Variants in BICD1 observed in about 807,000 individuals in gnomAD.
BICD1 encodes the protein BICD cargo adaptor 1.
BICD1 carries 35 observed loss-of-function variants against 92.5 expected under a neutral mutation model. That is an observed-to-expected ratio of 0.38 (90% CI 0.29 to 0.50). BICD1 has a LOEUF of 0.50. BICD1 is among the 20% of genes least tolerant of loss of function. BICD1 has a pLI of 0.93. For synonymous variants in BICD1, 429 were observed against 465.1 expected (o/e 0.92, Z 1.00); for missense variants, 950 against 1,189.8 (o/e 0.80, Z 2.97).
intron 3 of BICD1, among the ~76,000 whole-genome samples, chr12:32,295,694 C>T (rs2136197198): frequency 6.8e-6 from 1 of 147,680 alleles, no homozygotes; most frequent in South Asian, 2.1e-4. Context: ...TGCTGTGTTG[C>T]CCAGGCTGGA....
intron 1 of BICD1, among the ~76,000 whole-genome samples, chr12:32,128,365 C>G (rs1002213256): frequency 3.3e-5 from 5 of 152,172 alleles, no homozygotes; most frequent in African/African-American, 1.2e-4. Context: ...GCCTCTAGTG[C>G]TGAACAAATT....
chr12:32,268,937 C>T (rs1454179139), intron 2 of BICD1, among the ~76,000 whole-genome samples: 3 of 152,122 alleles, frequency 2.0e-5, no homozygotes, highest in African/African-American at 7.2e-5. Flanking sequence ...TCAACCGTTG[C>T]AAGTGGATTT....
chr12:32,289,570 G>A lies in BICD1; in HGVS notation c.427-4424G>A, dbSNP rs572217247. On this transcript the variant is annotated intron_variant, in intron 2 of 9. Transcript: ENST00000652176. ...CCAGCTAATTTTTGTATTCTTAGTA[G>A]AGACAGGGTTTCACCATGTTGGCCA... is the stretch of plus-strand genomic sequence containing the variant. 1.4e-4 allele frequency among the ~76,000 whole-genome samples: 22 copies of A among 152,312 alleles called. No homozygotes were observed. The East Asian group carries it at 3.9e-3, about 27-fold the overall frequency.
intron 1 of BICD1, among the ~76,000 whole-genome samples, chr12:32,210,451 TTC>T (rs917973269): frequency 1.4e-4 from 21 of 152,190 alleles, no homozygotes; most frequent in African/African-American, 4.6e-4. Context: ...GGTACGAAAT[TTC>T]TGTTTATCAA....
At chr12:32,348,761 T>A (rs201272609) in intron 8 of BICD1, among the ~76,000 whole-genome samples, 7 of 24,982 alleles carry the variant, frequency 2.8e-4, no homozygotes, top group African/African-American at 2.7e-3. Context: ...TATATATATA[T>A]ATATATATAT....
rs1565673617 is a variant in BICD1 at position 32,327,663 on chromosome 12, C to A, written c.1208C>A (p.Ala403Asp). ...GEKGRDSGEEAHDYEVDINGL... is the reference protein window; with the variant it reads ...GEKGRDSGEEDHDYEVDINGL... ...AAGGGCCGGGACTCAGGGGAGGAGG[C>A]CCATGACTATGAGGTGGACATCAAT... The change falls in exon 5 of 10, where the codon GCC becomes GAC. Residue 403 changes from alanine to aspartate, a missense_variant. Physicochemically the swap from Ala to Asp is moderately radical, Grantham distance 126. Around this residue, in one of 5 missense-constraint regions of BICD1, gnomAD observed 246 missense variants for 258.4 expected, o/e 0.95. Coordinates refer to ENST00000652176, the MANE Select transcript of BICD1 (RefSeq NM_001714.4). 1.2e-6 allele frequency: 2 copies of A among 1,613,906 alleles called. No homozygotes were observed. Among genetic ancestry groups the A allele is most frequent in the Non-Finnish European group, 8.5e-7 (1 of 1,179,968 alleles).
chr12:32,279,508 T>C (rs898258574), intron 2 of BICD1, among the ~76,000 whole-genome samples: 2 of 152,226 alleles, frequency 1.3e-5, no homozygotes, highest in African/African-American at 4.8e-5. Context: ...CTTAAAATAA[T>C]GTGTTCTTTT....
chr12:32,157,782 C>T (rs1391664084), intron 1 of BICD1, among the ~76,000 whole-genome samples: 2 of 152,084 alleles, frequency 1.3e-5, no homozygotes, highest in African/African-American at 4.8e-5. Context: ...TAACCTATTC[C>T]CATATTTTAA....
chr12:32,378,077 CTA>C lies in BICD1; in HGVS notation c.*453_*454del, dbSNP rs1940050748. 1 of 152,802 alleles carries C rather than the reference CTA, an allele frequency of 6.5e-6. No individual in the cohort carries two copies. Among genetic ancestry groups the C allele is most frequent in the African/African-American group, 2.4e-5 (1 of 41,420 alleles). The allele number at this position is 152,802 out of a possible 1,614,324, so 9.5% of individuals were successfully genotyped here. A position where few individuals can be genotyped will look rare whatever the true frequency, so the allele number is the denominator to read the frequency against. ...ACTTTATTTGCTACATGATTTATGT[CTA>C]TACAAATAATTTCTCTGAGGTGAAT... On this transcript the variant is annotated 3_prime_UTR_variant, in exon 10 of 10. Coordinates refer to ENST00000652176, the MANE Select transcript of BICD1 (RefSeq NM_001714.4).
At chr12:32,348,772 A>ATATATATATATG (rs1565689041) in intron 8 of BICD1, among the ~76,000 whole-genome samples, 4 of 52,752 alleles carry the variant, frequency 7.6e-5, no homozygotes, top group African/African-American at 3.5e-4. Flanking sequence ...ATATATATAT[A>ATATATATATATG]TATATATCAG....
intron 2 of BICD1, among the ~76,000 whole-genome samples, chr12:32,285,124 C>A (rs1947528426): frequency 6.6e-6 from 1 of 152,158 alleles, no homozygotes; most frequent in South Asian, 2.1e-4. Flanking sequence ...AATCTGCCCT[C>A]CTCTATCTCC....
intron 4 of BICD1, among the ~76,000 whole-genome samples, chr12:32,325,104 G>C (rs994105530): frequency 4.0e-5 from 6 of 151,364 alleles, no homozygotes; most frequent in Admixed American, 3.3e-4. Context: ...CCCTGGAGTA[G>C]CTAGGACTAC....
Position 32,339,871 on chromosome 12 carries a change from G to A in BICD1, c.2764+892G>A, listed in dbSNP as rs547023908. The A allele has an allele frequency of 6.8e-4, 648 of 953,626 alleles. 2 individuals carry two copies. Among genetic ancestry groups the A allele is most frequent in the Middle Eastern group, 2.7e-3 (5 of 1,840 alleles). The allele number at this position is 953,626 out of a possible 1,614,324, so 59.1% of individuals were successfully genotyped here. ...ATTTTATATGAACATCAGTATTTCT[G>A]GCCTCTTTTGGAAGATTCTGAATAT... On this transcript the variant is annotated intron_variant, in intron 8 of 9. Transcript: ENST00000652176.
intron 8 of BICD1, among the ~76,000 whole-genome samples, chr12:32,362,049 G>T (rs1042788302): frequency 3.3e-5 from 5 of 152,174 alleles, no homozygotes; most frequent in African/African-American, 1.2e-4. Context: ...ACTCCCTAAG[G>T]CATTGACTTT....
intron 1 of BICD1, among the ~76,000 whole-genome samples, chr12:32,138,327 A>G (rs1435215807): frequency 6.6e-6 from 1 of 152,200 alleles, no homozygotes; most frequent in Non-Finnish European, 1.5e-5. Context: ...CAAAGCTTGT[A>G]TTGATAGAAG....
intron 2 of BICD1, among the ~76,000 whole-genome samples, chr12:32,232,649 A>G (rs1945926669): frequency 6.6e-6 from 1 of 152,104 alleles, no homozygotes; most frequent in South Asian, 2.1e-4. Context: ...TGTTTTATAC[A>G]TGAAGTCCTT....
chr12:32,228,585 A>G (rs756126376), intron 2 of BICD1, among the ~76,000 whole-genome samples: 1 of 152,242 alleles, frequency 6.6e-6, no homozygotes, highest in Non-Finnish European at 1.5e-5. Flanking sequence ...TACTGCAGTC[A>G]TCCAGATATG....
chr12:32,224,691 G>A (rs1170946986), intron 2 of BICD1, among the ~76,000 whole-genome samples: 4 of 152,076 alleles, frequency 2.6e-5, no homozygotes, highest in Non-Finnish European at 5.9e-5. Flanking sequence ...TTGTGTGTGT[G>A]TATACAGTTG....
At chr12:32,189,456 G>A (rs1238737266) in intron 1 of BICD1, among the ~76,000 whole-genome samples, 2 of 152,146 alleles carry the variant, frequency 1.3e-5, no homozygotes, top group African/African-American at 2.4e-5. Flanking sequence ...CAGAAATGGG[G>A]TGAGGCATGA....
Sources: gnomAD v4.1 joint callset for allele counts (sites outside exome capture counted in the v4.1 genomes callset) on GRCh38, gnomAD v4.1.1 for gene constraint, gnomAD v4.1.1 regional missense constraint, MANE v1.5 for transcripts, NCBI Gene and HGNC (gene_info 2026-07-23, HGNC 2026-07-21) for gene names.